PCSK2: variants seen among roughly 807,000 people sequenced by gnomAD.
PCSK2 encodes proprotein convertase subtilisin/kexin type 2, also known as neuroendocrine convertase 2.
Under a neutral mutation model 69.7 loss-of-function variants are expected in PCSK2, and 14 were observed. The ratio of observed to expected loss-of-function variants is 0.20; its 90% CI spans 0.13 to 0.31. The LOEUF is 0.31. PCSK2 is among the 10% of genes least tolerant of loss of function. The probability of loss-of-function intolerance (pLI) is 1.00; values close to 1 mark genes in which losing one functional copy is unlikely to be tolerated. For synonymous variants in PCSK2, 307 were observed against 320.7 expected (o/e 0.96, Z 0.46); for missense variants, 544 against 842.5 (o/e 0.65, Z 4.39).
intron 6 of PCSK2, among the ~76,000 whole-genome samples, chr20:17,426,438 T>A (rs1186987368): frequency 6.6e-6 from 1 of 152,260 alleles, no homozygotes; most frequent in African/African-American, 2.4e-5. Context: ...AATATGGGTA[T>A]TAGCAAATGA....
chr20:17,442,143 C>A (rs1030041397), intron 8 of PCSK2, among the ~76,000 whole-genome samples: 5 of 151,794 alleles, frequency 3.3e-5, no homozygotes, highest in Non-Finnish European at 7.4e-5. Flanking sequence ...AGATGGCCAA[C>A]AGCCCACCGG....
chr20:17,480,144 C>G (rs2033369110), intron 11 of PCSK2, among the ~76,000 whole-genome samples: 1 of 149,958 alleles, frequency 6.7e-6, no homozygotes, highest in South Asian at 2.1e-4. Flanking sequence ...ATTCATTGGA[C>G]TGCCTTTCAC....
At chr20:17,332,580 T>G (rs1990233531) in intron 2 of PCSK2, among the ~76,000 whole-genome samples, 2 of 152,204 alleles carry the variant, frequency 1.3e-5, no homozygotes. Flanking sequence ...AGCACCAGTG[T>G]CACTTGGGAA....
chr20:17,479,693 A>AG (rs1263150329), intron 11 of PCSK2, among the ~76,000 whole-genome samples: 1 of 150,388 alleles, frequency 6.6e-6, no homozygotes, highest in African/African-American at 2.4e-5. Context: ...CAGCTACTCG[A>AG]GAGGCTGAGG....
intron 11 of PCSK2, 139 bp downstream of exon 11, chr20:17,465,692 A>T (rs2033090196): frequency 4.7e-6 from 3 of 639,728 alleles, no homozygotes; most frequent in Admixed American, 2.9e-5. Flanking sequence ...TTTTTGAGAC[A>T]GGGCCTCACT....
At chr20:17,236,448 A>G (rs1467170396) in intron 1 of PCSK2, among the ~76,000 whole-genome samples, 2 of 152,120 alleles carry the variant, frequency 1.3e-5, no homozygotes, top group Non-Finnish European at 2.9e-5. Context: ...AACTTTTGTG[A>G]GTTATGGACT....
intron 8 of PCSK2, among the ~76,000 whole-genome samples, chr20:17,449,545 T>TATATATATATATATGTA (rs1394693452): frequency 2.0e-5 from 3 of 149,772 alleles, no homozygotes; most frequent in Admixed American, 1.3e-4. Flanking sequence ...TATATGTATA[T>TATATATATATATATGTA]TTGAGACTGA....
chr20:17,402,813 C>T (rs543044218), intron 5 of PCSK2, among the ~76,000 whole-genome samples: 1 of 152,032 alleles, frequency 6.6e-6, no homozygotes, highest in South Asian at 2.1e-4. Context: ...CAAAATTAGC[C>T]AGGCGTGGTG....
At chr20:17,369,194 G>T in intron 4 of PCSK2, 46 bp from the exon 5 acceptor site, 1 of 1,559,172 alleles carries the variant, frequency 6.4e-7, no homozygotes, top group Non-Finnish European at 8.8e-7. Flanking sequence ...GGACACAGTG[G>T]CAGGTATTAA....
At chr20:17,289,346 T>C (rs1393427517) in intron 2 of PCSK2, among the ~76,000 whole-genome samples, 1 of 152,184 alleles carries the variant, frequency 6.6e-6, no homozygotes, top group Non-Finnish European at 1.5e-5. Context: ...AGGGTCACTA[T>C]GAAGCTCCTT....
intron 1 of PCSK2, among the ~76,000 whole-genome samples, 164 bp downstream of exon 1, chr20:17,227,646 C>T (rs1232961844): frequency 1.2e-4 from 19 of 152,160 alleles, no homozygotes; most frequent in Admixed American, 1.2e-3. Context: ...GATCTTTCAC[C>T]GGTTATGTAA....
At chr20:17,394,539 G>A (rs1328296274) in intron 5 of PCSK2, among the ~76,000 whole-genome samples, 2 of 152,158 alleles carry the variant, frequency 1.3e-5, no homozygotes, top group Non-Finnish European at 2.9e-5. Flanking sequence ...GAACAGGGAG[G>A]CACGGGGGTT....
intron 2 of PCSK2, among the ~76,000 whole-genome samples, chr20:17,269,485 T>G (rs1987774135): frequency 6.6e-6 from 1 of 152,200 alleles, no homozygotes; most frequent in Middle Eastern, 3.2e-3. Context: ...TAATTATTTC[T>G]TATTAGAGGT....
rs532335593 is a variant in PCSK2, at chr20:17,472,126, G to A, written c.1430+6573G>A. On this transcript the variant is annotated intron_variant, in intron 11 of 11. Coordinates refer to ENST00000262545, the MANE Select transcript of PCSK2 (RefSeq NM_002594.5). ...TGTAGAATGAGCAGAGCCAGCCCAG[G>A]CCGGCCCCATCAGCCAGCTGGGAGT... Among the ~76,000 whole-genome samples the A allele has an allele frequency of 8.5e-5, 13 of 152,270 alleles. No individual in the cohort carries two copies. In the South Asian group the frequency reaches 2.5e-3, roughly 29 times the overall value.
At chr20:17,355,549 G>A (rs1234573306) in intron 2 of PCSK2, among the ~76,000 whole-genome samples, 1 of 152,148 alleles carries the variant, frequency 6.6e-6, no homozygotes, top group Non-Finnish European at 1.5e-5. Context: ...AGAAGTTTGC[G>A]AGATGGGTGT....
At chr20:17,421,764 A>G (rs955662477) in intron 6 of PCSK2, among the ~76,000 whole-genome samples, 1 of 146,988 alleles carries the variant, frequency 6.8e-6, no homozygotes, top group African/African-American at 2.5e-5. Flanking sequence ...TAAGGAGTCA[A>G]TTGAAACAAT....
chr20:17,328,644 A>G (rs910405205), intron 2 of PCSK2, among the ~76,000 whole-genome samples: 7 of 152,150 alleles, frequency 4.6e-5, no homozygotes, highest in Non-Finnish European at 7.4e-5. Flanking sequence ...AGAGGAGAGG[A>G]GGACACAAGT....
chr20:17,271,944 A>T lies in PCSK2; in HGVS notation c.282+11600A>T, dbSNP rs1478264210. Among the ~76,000 whole-genome samples the T allele has an allele frequency of 3.3e-5, 5 of 152,222 alleles. No individual in the cohort carries two copies. The South Asian group carries it at 1.0e-3, about 32-fold the overall frequency. On this transcript the variant is annotated intron_variant, in intron 2 of 11. Transcript: ENST00000262545. ...AGAACACCTCTATGACTAGTCCGTG[A>T]CTTCATTATTTGCCAAGGTAGTCCA...
chr20:17,239,443 A>G (rs1338186959), intron 1 of PCSK2, among the ~76,000 whole-genome samples: 1 of 151,990 alleles, frequency 6.6e-6, no homozygotes, highest in East Asian at 1.9e-4. Context: ...GTTCAGTAGC[A>G]GCACTTTAGG....
Sources: gnomAD v4.1 joint callset for allele counts (sites outside exome capture counted in the v4.1 genomes callset) on GRCh38, gnomAD v4.1.1 for gene constraint, MANE v1.5 for transcripts, NCBI Gene and HGNC (gene_info 2026-07-23, HGNC 2026-07-21) for gene names.